Variants in BPHL observed in about 807,000 individuals in gnomAD.
BPHL encodes serine hydrolase BPHL.
A neutral mutation model predicts 31.2 loss-of-function variants in BPHL; 27 were observed. The observed-to-expected ratio is 0.87, with a 90% confidence interval of 0.64 to 1.19. The LOEUF is 1.19. BPHL is among the 50% of genes most tolerant of loss of function. The pLI, the probability that BPHL is intolerant of heterozygous loss-of-function variation, is 0.00. For missense variants in BPHL, 356 were observed against 375.7 expected (o/e 0.95, Z 0.43); for synonymous variants, 150 against 146.8 (o/e 1.02, Z -0.16).
At chr6:3,137,110 T>C (rs904131160) in intron 4 of BPHL, among the ~76,000 whole-genome samples, 2 of 151,642 alleles carry the variant, frequency 1.3e-5, no homozygotes, top group Non-Finnish European at 2.9e-5. Flanking sequence ...GGCCCTGGGG[T>C]ACAGTGGGGA....
At chr6:3,146,153 G>T (rs1762345750) in intron 6 of BPHL, among the ~76,000 whole-genome samples, 1 of 45,522 alleles carries the variant, frequency 2.2e-5, no homozygotes, top group Admixed American at 1.5e-4. Context: ...GGGTTGGAGT[G>T]CTGGTTCGGG....
intron 1 of BPHL, among the ~76,000 whole-genome samples, chr6:3,120,651 G>C (rs773413496): frequency 6.6e-6 from 1 of 152,182 alleles, no homozygotes; most frequent in African/African-American, 2.4e-5. Context: ...TAAGTCTGCT[G>C]TTTGGAACTT....
chr6:3,129,243 C>T (rs1761802180), intron 4 of BPHL, 45 bp downstream of exon 4: 6 of 1,506,178 alleles, frequency 4.0e-6, no homozygotes, highest in Non-Finnish European at 5.3e-6. Flanking sequence ...GATCCTTCCC[C>T]TCTCTCCGCA....
intron 6 of BPHL, among the ~76,000 whole-genome samples, chr6:3,145,555 TGTGGG>T (rs1762316863): frequency 1.4e-5 from 1 of 72,174 alleles, no homozygotes. Flanking sequence ...GGAGTGCTGG[TGTGGG>T]TTGGAGTGCT....
intron 2 of BPHL, among the ~76,000 whole-genome samples, chr6:3,124,629 A>G (rs1761667701): frequency 6.6e-6 from 1 of 152,184 alleles, no homozygotes; most frequent in Non-Finnish European, 1.5e-5. Context: ...TGCTGTGCAA[A>G]TAATTGTTAT....
chr6:3,119,212 A>AT (rs1761489499), intron 1 of BPHL: 1 of 1,372,884 alleles, frequency 7.3e-7, no homozygotes, highest in Non-Finnish European at 1.0e-6. Flanking sequence ...CAACGCCCTC[A>AT]TTAGTCCATT....
chr6:3,147,102 A>G (rs1046190193), intron 6 of BPHL, among the ~76,000 whole-genome samples: 1 of 152,144 alleles, frequency 6.6e-6, no homozygotes, highest in Non-Finnish European at 1.5e-5. Context: ...TCTCTACAAA[A>G]AGCAAGAAAT....
intron 1 of BPHL, chr6:3,119,456 G>C (rs778109845): frequency 6.2e-7 from 1 of 1,613,338 alleles, no homozygotes. Flanking sequence ...CATGTGTGGA[G>C]ATGCCCAGGA....
At chr6:3,151,120 G>A (rs998521218) in intron 6 of BPHL, among the ~76,000 whole-genome samples, 1 of 152,168 alleles carries the variant, frequency 6.6e-6, no homozygotes, top group Non-Finnish European at 1.5e-5. Context: ...GTGGCAGGCT[G>A]GGGATTCCCT....
chr6:3,140,601 G>A lies in BPHL; in HGVS notation c.788+92G>A. 1 of 1,562,764 alleles carries A rather than the reference G, an allele frequency of 6.4e-7. No individual in the cohort carries two copies. The highest frequency in any genetic ancestry group is 8.7e-7 in the Non-Finnish European group (1 of 1,152,764). The stretch of plus-strand genomic sequence containing the variant: ...AGGAAAATAACCAAGAGGAGTTGGA[G>A]TTTTAGAGTGCACAGCCCCCCTTTT... On this transcript the variant is annotated intron_variant, in intron 6 of 6. Coordinates refer to ENST00000380379, the MANE Select transcript of BPHL (RefSeq NM_004332.4). This position sits in a 1 kb window ranked among gnomAD's most constrained non-coding sequence, Gnocchi z 5.2.
intron 6 of BPHL, among the ~76,000 whole-genome samples, chr6:3,151,250 G>A (rs976037197): frequency 6.6e-6 from 1 of 152,154 alleles, no homozygotes; most frequent in African/African-American, 2.4e-5. Flanking sequence ...CAAAGGCCTT[G>A]AGTGTCCCTG....
chr6:3,118,702 A>G, upstream of BPHL: 1 of 1,243,638 alleles, frequency 8.0e-7, no homozygotes, highest in Non-Finnish European at 1.0e-6. Flanking sequence ...GCTTGGTCTT[A>G]GCGCATGCGC....
intron 4 of BPHL, 50 bp from the exon 5 acceptor site, chr6:3,137,312 T>G: frequency 1.2e-6 from 2 of 1,600,826 alleles, no homozygotes; most frequent in Non-Finnish European, 1.7e-6. Context: ...TTAAAGACAA[T>G]ACTTTAGTAT....
chr6:3,127,342 C>A lies in BPHL; in HGVS notation c.312C>A (p.Pro104=). ...CTCGAGGCTATGGACATTCCAGGCC[C>A]CCAGATCGCGATTTCCCAGCAGACT... is the stretch of plus-strand genomic sequence containing the variant. The part of the protein sequence containing the change: ...WDPRGYGHSR[P]PDRDFPADFF... Residue 104 remains proline, a synonymous_variant, in exon 3 of 7, where the codon CCC becomes CCA. Transcript: ENST00000380379. 6.2e-7 allele frequency: 1 copy of A among 1,608,004 alleles called. No individual in the cohort carries two copies.
At chr6:3,148,699 G>A (rs938808763) in intron 6 of BPHL, among the ~76,000 whole-genome samples, 1 of 152,232 alleles carries the variant, frequency 6.6e-6, no homozygotes, top group African/African-American at 2.4e-5. Flanking sequence ...AGCTCCACAC[G>A]CTGCTTGTGG....
intron 6 of BPHL, among the ~76,000 whole-genome samples, chr6:3,144,903 C>T (rs558530834): frequency 2.0e-5 from 3 of 152,332 alleles, no homozygotes; most frequent in East Asian, 3.9e-4. Context: ...ATTCTGAGCC[C>T]AGGCCTGAGG....
At chr6:3,142,641 ATAAT>A (rs1435366608) in intron 6 of BPHL, among the ~76,000 whole-genome samples, 73 of 152,314 alleles carry the variant, frequency 4.8e-4, no homozygotes. Context: ...TAGCTAGTAA[ATAAT>A]TAATCTTAGA....
At chr6:3,127,442 G>T (rs756620780) in intron 3 of BPHL, 34 bp downstream of exon 3, 3 of 1,488,510 alleles carry the variant, frequency 2.0e-6, no homozygotes, top group South Asian at 1.3e-5. Flanking sequence ...GGGGAGGAAG[G>T]GTGGCTGGGC....
At chr6:3,131,646 C>G (rs1158617997) in intron 4 of BPHL, among the ~76,000 whole-genome samples, 2 of 152,138 alleles carry the variant, frequency 1.3e-5, no homozygotes, top group Non-Finnish European at 2.9e-5. Context: ...TTTGGCTGGC[C>G]CCTCCTGCCA....
Sources: gnomAD v4.1 joint callset for allele counts (sites outside exome capture counted in the v4.1 genomes callset) on GRCh38, gnomAD v4.1.1 for gene constraint, Gnocchi (gnomAD v3.1) non-coding constraint, MANE v1.5 for transcripts, NCBI Gene and HGNC (gene_info 2026-07-23, HGNC 2026-07-21) for gene names.